IKBIP: variants seen among roughly 807,000 people sequenced by gnomAD.
The protein encoded by IKBIP is IKBKB interacting protein.
In IKBIP, 28 loss-of-function variants were observed where a neutral mutation model predicts 31.0. That is an observed-to-expected ratio of 0.90 (90% CI 0.67 to 1.24). IKBIP has a LOEUF of 1.24. Among genes scored for constraint, IKBIP ranks in the 50% most tolerant of loss-of-function variants. The probability of loss-of-function intolerance (pLI) is 0.00; values close to 1 mark genes in which losing one functional copy is unlikely to be tolerated. For synonymous variants in IKBIP, 164 were observed against 160.3 expected (o/e 1.02, Z -0.17); for missense variants, 453 against 441.9 (o/e 1.03, Z -0.23).
At position 98,613,809 on chromosome 12, in the gene IKBIP, CA is replaced by C; in HGVS notation, c.828del (p.Phe276LeufsTer5). On this transcript the variant is annotated frameshift_variant, in exon 3 of 3. Coordinates refer to the IKBIP transcript ENST00000342502. LOFTEE classifies it high-confidence loss of function. ...TACACCTTTGGTTTTAGATCATTTG[CA>C]AAAGTCACTGTCTTCAGAACTTTGG... The C allele has an allele frequency of 6.2e-7, 1 of 1,609,968 alleles. No homozygotes were observed. The highest frequency in any genetic ancestry group is 8.5e-7 in the Non-Finnish European group (1 of 1,178,628).
chr12:98,644,744 C>G lies in IKBIP; in HGVS notation c.-43G>C. The G allele has an allele frequency of 6.4e-7, 1 of 1,568,132 alleles. No individual in the cohort carries two copies. The highest frequency in any genetic ancestry group is 8.6e-7 in the Non-Finnish European group (1 of 1,164,500). The stretch of plus-strand genomic sequence containing the variant: ...CGACAAGCCCAGGGCAGCTTCTTCA[C>G]CAGGGGGAGCAGGACGTGGCCGCCT... On this transcript the variant is annotated 5_prime_UTR_variant, in exon 1 of 3. Transcript: ENST00000299157.
Position 98,626,414 on chromosome 12 carries a change from T to G in IKBIP, c.650A>C (p.Lys217Thr), listed in dbSNP as rs780058725. Residue 217 changes from lysine (K) to threonine (T), a missense_variant, in exon 3 of 3, where the codon AAA becomes ACA. Lys to Thr is a moderately conservative substitution (Grantham distance 78). Transcript: ENST00000299157. Reference protein sequence around the residue: ...DSTLRNIRTVKRQEEEDLLRV... With the variant: ...DSTLRNIRTVTRQEEEDLLRV... ...CAGGAGATCTTCTTCTTCTTGTCTTTTTACTGTTCTAATATTTCTTAGTGT... is the reference window on the plus strand; with the variant it reads ...CAGGAGATCTTCTTCTTCTTGTCTTGTTACTGTTCTAATATTTCTTAGTGT... 3 of 1,613,330 alleles carry G rather than the reference T, an allele frequency of 1.9e-6. No homozygotes were observed. In the African/African-American group the frequency reaches 4.0e-5, roughly 22 times the overall value.
At chr12:98,639,563 T>C (rs1362886123) in intron 1 of IKBIP, among the ~76,000 whole-genome samples, 1 of 152,206 alleles carries the variant, frequency 6.6e-6, no homozygotes, top group Non-Finnish European at 1.5e-5. Context: ...TTGCAGTCTA[T>C]AGAGACCTCA....
chr12:98,628,832 G>A (rs1287120487), intron 2 of IKBIP, among the ~76,000 whole-genome samples: 1 of 152,164 alleles, frequency 6.6e-6, no homozygotes, highest in African/African-American at 2.4e-5. Flanking sequence ...GGGAAATGGA[G>A]ATAAAAGATG....
intron 2 of IKBIP, among the ~76,000 whole-genome samples, chr12:98,618,541 G>A (rs2097607640): frequency 6.6e-6 from 1 of 151,888 alleles, no homozygotes; most frequent in African/African-American, 2.4e-5. Flanking sequence ...TAGGAGAATG[G>A]CGTGAACCCG....
chr12:98,618,791 G>T (rs1298438092), intron 2 of IKBIP, among the ~76,000 whole-genome samples: 1 of 152,122 alleles, frequency 6.6e-6, no homozygotes, highest in African/African-American at 2.4e-5. Context: ...CTTGGCTAAT[G>T]CCAACCTTTT....
At chr12:98,635,255 T>C (rs2097624822) in intron 1 of IKBIP, among the ~76,000 whole-genome samples, 1 of 152,050 alleles carries the variant, frequency 6.6e-6, no homozygotes, top group South Asian at 2.1e-4. Flanking sequence ...CTGCCCGCCT[T>C]GGCCTCCCAA....
downstream of IKBIP, among the ~76,000 whole-genome samples, chr12:98,622,869 A>C (rs777847368): frequency 4.8e-5 from 7 of 144,850 alleles, no homozygotes. Flanking sequence ...ATTAAGCAAA[A>C]TTTAAGGCAA....
In IKBIP at chr12:98,626,018, T is replaced by C; in HGVS notation, c.1046A>G (p.His349Arg). The change falls in exon 3 of 3, where the codon CAT becomes CGT. Residue 349 changes from histidine to arginine, a missense_variant. His to Arg is a conservative substitution (Grantham distance 29, BLOSUM62 0). Coordinates refer to ENST00000299157, the MANE Select transcript of IKBIP (RefSeq NM_153687.4). ...TGTACTTGAGTATGCTATAAAATCA[T>C]GAACTTTTTCTTTTAGAATATCCAG... ...NELDILKEKV[H>R]DFIAYSSTGE... The C allele has an allele frequency of 1.3e-6, 2 of 1,563,718 alleles. No individual in the cohort carries two copies. The highest frequency in any genetic ancestry group is 1.7e-6 in the Non-Finnish European group (2 of 1,152,658).
At chr12:98,623,978 T>C (rs2097612058), downstream of IKBIP, among the ~76,000 whole-genome samples, 2 of 151,192 alleles carry the variant, frequency 1.3e-5, no homozygotes, top group Admixed American at 6.6e-5. Flanking sequence ...TATCTATACA[T>C]ACATACAAAC....
chr12:98,621,037 C>G (rs2097609778), downstream of IKBIP, among the ~76,000 whole-genome samples: 3 of 152,116 alleles, frequency 2.0e-5, no homozygotes, highest in South Asian at 6.2e-4. Flanking sequence ...CACCTGAGGT[C>G]AGGAGTTCGA....
intron 2 of IKBIP, among the ~76,000 whole-genome samples, chr12:98,614,657 C>G (rs1292879805): frequency 6.6e-6 from 1 of 151,944 alleles, no homozygotes; most frequent in Non-Finnish European, 1.5e-5. Context: ...GATCTCCTGA[C>G]CTCTGGTTAT....
At chr12:98,630,237 T>C (rs894861802) in intron 2 of IKBIP, among the ~76,000 whole-genome samples, 3 of 151,700 alleles carry the variant, frequency 2.0e-5, no homozygotes, top group Admixed American at 6.6e-5. Flanking sequence ...TACAAAAAAT[T>C]AGCCGGGTAT....
Position 98,644,781 on chromosome 12 carries a change from G to A in IKBIP, c.-80C>T. On this transcript the variant is annotated 5_prime_UTR_variant, in exon 1 of 3. Transcript: ENST00000299157. ...GGACGTGGCCGCCTTGGCGTTCGTGGGAACCCTGGGCGGTGACCGCGCCCC... is the reference window on the plus strand; with the variant it reads ...GGACGTGGCCGCCTTGGCGTTCGTGAGAACCCTGGGCGGTGACCGCGCCCC... 6.7e-7 allele frequency: 1 copy of A among 1,500,288 alleles called. No homozygotes were observed. The highest frequency in any genetic ancestry group is 9.0e-7 in the Non-Finnish European group (1 of 1,108,014). 92.9% of individuals were successfully genotyped at this position (1,500,288 alleles called of 1,614,324 possible).
At chr12:98,644,383 T>G (rs2097635663) in intron 1 of IKBIP, 140 bp downstream of exon 1, 2 of 769,000 alleles carry the variant, frequency 2.6e-6, no homozygotes, top group Non-Finnish European at 2.0e-6. Flanking sequence ...GCTGTTTCCT[T>G]CCTTTGGGGT....
At chr12:98,632,740 T>C (rs1202352151) in intron 2 of IKBIP, among the ~76,000 whole-genome samples, 1 of 149,028 alleles carries the variant, frequency 6.7e-6, no homozygotes, top group Non-Finnish European at 1.5e-5. Context: ...TTCTCATACA[T>C]CAGCCTCCCA....
Position 98,625,268 on chromosome 12 carries a change from C to CAAGTATCTGTAACACAGTTTAGAACCTTA in IKBIP, c.*633_*661dup. ...ACTTACTCTGATTTTAAAAGTCTTA[C>CAAGTATCTGTAACACAGTTTAGAACCTTA]AAGTATCTGTAACACAGTTTAGAAC... On this transcript the variant is annotated 3_prime_UTR_variant, in exon 3 of 3. Coordinates refer to ENST00000299157, the MANE Select transcript of IKBIP (RefSeq NM_153687.4). 6.1e-6 allele frequency: 6 copies of CAAGTATCTGTAACACAGTTTAGAACCTTA among 982,296 alleles called. No homozygotes were observed. Among genetic ancestry groups the CAAGTATCTGTAACACAGTTTAGAACCTTA allele is most frequent in the Non-Finnish European group, 7.3e-6 (6 of 827,052 alleles). The allele number at this position is 982,296 out of a possible 1,614,324, so 60.8% of individuals were successfully genotyped here. A position where few individuals can be genotyped will look rare whatever the true frequency, so the allele number is the denominator to read the frequency against.
chr12:98,642,908 T>C (rs2097631907), intron 1 of IKBIP, among the ~76,000 whole-genome samples: 1 of 151,402 alleles, frequency 6.6e-6, no homozygotes, highest in Admixed American at 6.6e-5. Flanking sequence ...CTGACAATTC[T>C]ATTGTTTTTG....
At chr12:98,632,512 A>AATATATATATATATATATATGTGTAT (rs2097621580) in intron 2 of IKBIP, among the ~76,000 whole-genome samples, 1 of 22,792 alleles carries the variant, frequency 4.4e-5, no homozygotes, top group African/African-American at 1.7e-4. Context: ...AAAAAAAAAA[A>AATATATATATATATATATATGTGTAT]ATATATATAT....
Sources: gnomAD v4.1 joint callset for allele counts (sites outside exome capture counted in the v4.1 genomes callset) on GRCh38, gnomAD v4.1.1 for gene constraint, MANE v1.5 for transcripts, NCBI Gene and HGNC (gene_info 2026-07-23, HGNC 2026-07-21) for gene names.